SLC9A9: variants seen among roughly 807,000 people sequenced by gnomAD.
SLC9A9 encodes the protein solute carrier family 9 member A9.
Under a neutral mutation model 77.8 loss-of-function variants are expected in SLC9A9, and 62 were observed. That is an observed-to-expected ratio of 0.80 (90% CI 0.65 to 0.98). SLC9A9 has a LOEUF of 0.98. Among genes scored for constraint, SLC9A9 ranks in the 50% least tolerant of loss-of-function variants. The pLI, the probability that SLC9A9 is intolerant of heterozygous loss-of-function variation, is 0.00. For missense variants in SLC9A9, 775 were observed against 774.9 expected (o/e 1.00, Z 0.00); for synonymous variants, 320 against 283.5 (o/e 1.13, Z -1.29).
chr3:143,342,446 C>A (rs1248582710), intron 14 of SLC9A9, among the ~76,000 whole-genome samples: 5 of 152,096 alleles, frequency 3.3e-5, no homozygotes, highest in African/African-American at 9.7e-5. Context: ...GACCAGCAGA[C>A]CCTGATCTAA....
chr3:143,574,065 G>A (rs1369742557), intron 8 of SLC9A9, 23 bp downstream of exon 8: 3 of 1,597,848 alleles, frequency 1.9e-6, no homozygotes, highest in Non-Finnish European at 2.6e-6. Context: ...CATCCAGTTG[G>A]CTGTGCAGCA....
chr3:143,272,390 A>G (rs556313968), intron 14 of SLC9A9, among the ~76,000 whole-genome samples: 2 of 152,308 alleles, frequency 1.3e-5, no homozygotes, highest in Non-Finnish European at 2.9e-5. Flanking sequence ...CTTATGAAAT[A>G]GTAGTTGAAT....
intron 4 of SLC9A9, among the ~76,000 whole-genome samples, chr3:143,771,530 G>C (rs1020314091): frequency 6.6e-6 from 1 of 152,164 alleles, no homozygotes; most frequent in Non-Finnish European, 1.5e-5. Flanking sequence ...GGTGCCATGG[G>C]AGAAAGGTTA....
chr3:143,827,394 C>A (rs541749854), intron 2 of SLC9A9, among the ~76,000 whole-genome samples: 1 of 152,266 alleles, frequency 6.6e-6, no homozygotes, highest in African/African-American at 2.4e-5. Flanking sequence ...CTGTTTTCAC[C>A]AATCTTTAAG....
chr3:143,390,837 A>G (rs7633451), intron 12 of SLC9A9, among the ~76,000 whole-genome samples: 126,588 of 152,250 alleles, frequency 0.83, 52,777 homozygotes, highest in African/African-American at 0.86. Flanking sequence ...CCACACCCAC[A>G]GAGCCTCACT....
intron 9 of SLC9A9, among the ~76,000 whole-genome samples, chr3:143,496,111 G>A (rs1454471064): frequency 6.6e-6 from 1 of 152,190 alleles, no homozygotes; most frequent in African/African-American, 2.4e-5. Flanking sequence ...ATCGGTTTAT[G>A]CAGCAAGAAC....
At chr3:143,624,726 T>C (rs897858964) in intron 6 of SLC9A9, among the ~76,000 whole-genome samples, 4 of 152,186 alleles carry the variant, frequency 2.6e-5, no homozygotes, top group Non-Finnish European at 4.4e-5. Context: ...TGCCCTCTCT[T>C]ACCACTCCTA....
At chr3:143,531,652 C>A (rs1559955812) in intron 9 of SLC9A9, among the ~76,000 whole-genome samples, 1 of 152,054 alleles carries the variant, frequency 6.6e-6, no homozygotes, top group Admixed American at 6.6e-5. Context: ...AAAATAAGAC[C>A]AAATAATCTA....
chr3:143,407,548 AT>A lies in SLC9A9; in HGVS notation c.1470-25435del, dbSNP rs149360957. On this transcript the variant is annotated intron_variant, in intron 12 of 15. Transcript: ENST00000316549. ...AAAAGAACATATCCATTATCCTTTT[AT>A]TTTTATGATGTTTTGTGCAGTTGTT... 1.7e-3 allele frequency among the ~76,000 whole-genome samples: 265 copies of A among 152,292 alleles called. 9 individuals carry two copies. The East Asian group carries it at 0.047, about 27-fold the overall frequency.
chr3:143,472,171 G>C (rs900192837), intron 11 of SLC9A9, among the ~76,000 whole-genome samples: 1 of 152,208 alleles, frequency 6.6e-6, no homozygotes, highest in African/African-American at 2.4e-5. Context: ...CCCAGACACA[G>C]TACAAGAATG....
chr3:143,541,426 A>G (rs928528603), intron 9 of SLC9A9, among the ~76,000 whole-genome samples: 2 of 152,174 alleles, frequency 1.3e-5, no homozygotes, highest in Non-Finnish European at 2.9e-5. Context: ...CAGCAACCTC[A>G]CGAGACCCTG....
At chr3:143,801,623 C>T (rs1370664665) in intron 2 of SLC9A9, among the ~76,000 whole-genome samples, 2 of 152,160 alleles carry the variant, frequency 1.3e-5, no homozygotes, top group Non-Finnish European at 2.9e-5. Flanking sequence ...TTTCCTGTTC[C>T]TCACCCTGAT....
chr3:143,321,261 A>G (rs925801077), intron 14 of SLC9A9, among the ~76,000 whole-genome samples: 5 of 152,242 alleles, frequency 3.3e-5, no homozygotes, highest in African/African-American at 1.2e-4. Flanking sequence ...ACCGTTGCTT[A>G]GAAGCTCCGT....
chr3:143,847,898 A>G (rs1185177644), intron 1 of SLC9A9: 8 of 546,838 alleles, frequency 1.5e-5, no homozygotes, highest in East Asian at 6.4e-5. Flanking sequence ...ATGGACCCGC[A>G]TCTGTCAACA....
rs1263079380 is a variant in SLC9A9, at chr3:143,382,105, C to T, written c.1479G>A (p.Val493=). 1 of 1,614,090 alleles carries T rather than the reference C, an allele frequency of 6.2e-7. No homozygotes were observed. The highest frequency in any genetic ancestry group is 8.5e-7 in the Non-Finnish European group (1 of 1,179,994). ...MLTWLQIRVG[V]DLDENLKEDP... ...CCTCCTTCAGATTTTCATCCAGGTC[C>T]ACGCCAACTCTGTTAAACAAAACCA... The change falls in exon 13 of 16, where the codon GTG becomes GTA. Residue 493 remains valine, a synonymous_variant. Transcript: ENST00000316549.
rs144977984 is a variant in SLC9A9 at position 143,382,809 on chromosome 3, C to T, written c.1470-695G>A. Reference sequence around the variant, plus strand: ...ACACACTGCTAAAATAACTTTCTTCCGGAATTTTTGCCTACTGACTTTGCT... The same window carrying T: ...ACACACTGCTAAAATAACTTTCTTCTGGAATTTTTGCCTACTGACTTTGCT... On this transcript the variant is annotated intron_variant, in intron 12 of 15. Transcript: ENST00000316549. Among the ~76,000 whole-genome samples, 522 of 152,240 alleles carry T rather than the reference C, an allele frequency of 3.4e-3. 4 individuals carry two copies. The highest frequency in any genetic ancestry group is 0.016 in the East Asian group (81 of 5,188).
intron 14 of SLC9A9, among the ~76,000 whole-genome samples, chr3:143,270,462 G>A (rs549012879): frequency 5.9e-5 from 9 of 152,274 alleles, no homozygotes; most frequent in South Asian, 2.1e-4. Flanking sequence ...ACAAGATCTC[G>A]CCCCTGCTGG....
chr3:143,383,468 T>A (rs550943720), intron 12 of SLC9A9, among the ~76,000 whole-genome samples: 1 of 149,850 alleles, frequency 6.7e-6, no homozygotes, highest in East Asian at 1.9e-4. Context: ...CAGAGAAGTA[T>A]GAGGAAAAGG....
intron 14 of SLC9A9, among the ~76,000 whole-genome samples, chr3:143,288,870 A>G (rs546236293): frequency 9.2e-5 from 14 of 152,234 alleles, no homozygotes; most frequent in Non-Finnish European, 1.5e-4. Flanking sequence ...TCCAAGGACT[A>G]TCAAAGCAAG....
Sources: allele counts gnomAD v4.1 joint callset (sites outside exome capture counted in the v4.1 genomes callset), GRCh38; gene constraint gnomAD v4.1.1; transcripts MANE v1.5; gene names NCBI Gene and HGNC (gene_info 2026-07-23, HGNC 2026-07-21).